Variants in OXNAD1 observed in about 807,000 individuals in gnomAD.
The protein encoded by OXNAD1 is oxidoreductase NAD-binding domain-containing protein 1.
Under a neutral mutation model 32.9 loss-of-function variants are expected in OXNAD1, and 34 were observed. That is an observed-to-expected ratio of 1.03 (90% CI 0.79 to 1.38). OXNAD1 has a LOEUF of 1.38. OXNAD1 is among the 40% of genes most tolerant of loss of function. OXNAD1 has a pLI of 0.00. For synonymous variants in OXNAD1, 134 were observed against 135.2 expected (o/e 0.99, Z 0.06); for missense variants, 407 against 379.4 (o/e 1.07, Z -0.60).
downstream of OXNAD1, among the ~76,000 whole-genome samples, chr3:16,339,086 C>T (rs1251709653): frequency 6.6e-6 from 1 of 152,226 alleles, no homozygotes; most frequent in Non-Finnish European, 1.5e-5. Context: ...ACACCATGTG[C>T]TGGGCTGTCA....
intron 9 of OXNAD1, chr3:16,347,674 G>T (rs903895257): frequency 1.3e-5 from 2 of 152,258 alleles, no homozygotes; most frequent in Non-Finnish European, 2.9e-5. Flanking sequence ...AGCTTTCTCT[G>T]TGAAAGGGGA....
In OXNAD1 at chr3:16,316,660, G is replaced by T; in HGVS notation, c.*30+13068G>T. ...CAGTGGATGTGCAAAAACCAACACT[G>T]TCAGGAACCTGGCCCTGGGAGGGCT... On this transcript the variant is annotated intron_variant, in intron 9 of 9. Transcript: ENST00000435829. This position sits in a 1 kb window ranked among gnomAD's most constrained non-coding sequence, Gnocchi z 4.5. The T allele has an allele frequency of 1.3e-6, 1 of 747,126 alleles. No homozygotes were observed. Among genetic ancestry groups the T allele is most frequent in the Non-Finnish European group, 2.3e-6 (1 of 438,788 alleles). The allele number at this position is 747,126 out of a possible 1,614,324, so 46.3% of individuals were successfully genotyped here.
In OXNAD1 at chr3:16,345,805, T is replaced by TGG. The variant is rs2071630137; in HGVS notation, c.*31-3370_*31-3369insGG. Among the ~76,000 whole-genome samples the TGG allele has an allele frequency of 1.2e-5, 1 of 85,842 alleles. No homozygotes were observed. Among genetic ancestry groups the TGG allele is most frequent in the Non-Finnish European group, 2.2e-5 (1 of 44,654 alleles). The allele number at this position is 85,842 out of a possible 152,430, so 56.3% of individuals were successfully genotyped here. A position where few individuals can be genotyped will look rare whatever the true frequency, so the allele number is the denominator to read the frequency against. ...ATAAATCTCTGTGTGTGTGTGTGTG[T>TGG]GTGTGTGTGTGTGCGCGCGCGCGTG... On this transcript the variant is annotated intron_variant, in intron 9 of 9. Coordinates refer to the OXNAD1 transcript ENST00000606098. The surrounding 1 kb of genome is among the most constrained non-coding windows in gnomAD (Gnocchi z 5.2).
At position 16,322,268 on chromosome 3, in the gene OXNAD1, C is replaced by CA. The variant is rs2069149732; in HGVS notation, c.*31-14843dup. Reference sequence around the variant, plus strand: ...CAGAGCCTGGAGAAAGACCTTCCTCCACACTCCAGCCCATCTGGCTTCAAG... The same window carrying CA: ...CAGAGCCTGGAGAAAGACCTTCCTCCAACACTCCAGCCCATCTGGCTTCAAG... On this transcript the variant is annotated intron_variant, in intron 9 of 9. Coordinates refer to the OXNAD1 transcript ENST00000435829. This position sits in a 1 kb window ranked among gnomAD's most constrained non-coding sequence, Gnocchi z 6.2. Among the ~76,000 whole-genome samples, 1 of 152,210 alleles carries CA rather than the reference C, an allele frequency of 6.6e-6. No homozygotes were observed. Among genetic ancestry groups the CA allele is most frequent in the Admixed American group, 6.5e-5 (1 of 15,274 alleles).
chr3:16,313,136 C>T (rs905921517), intron 9 of OXNAD1, among the ~76,000 whole-genome samples: 1 of 150,646 alleles, frequency 6.6e-6, no homozygotes, highest in African/African-American at 2.5e-5. Flanking sequence ...CCCTCGACCT[C>T]CTGGGCTCAA....
At chr3:16,270,726 A>T (rs116081246) in intron 2 of OXNAD1, among the ~76,000 whole-genome samples, 1 of 152,182 alleles carries the variant, frequency 6.6e-6, no homozygotes, top group Non-Finnish European at 1.5e-5. Context: ...CAAAAATTAC[A>T]TACTTATATA....
chr3:16,271,999 T>C lies in OXNAD1; in HGVS notation c.183+277T>C. The stretch of plus-strand genomic sequence containing the variant: ...ACTGAGGGAGCCATCCTCACAGGTA[T>C]GATGTTTAGGGTTATGTTTTAGCAC... On this transcript the variant is annotated intron_variant, in intron 4 of 8. Transcript: ENST00000285083. This position sits in a 1 kb window ranked among gnomAD's most constrained non-coding sequence, Gnocchi z 4.6. The C allele has an allele frequency of 1.9e-6, 1 of 516,576 alleles. No homozygotes were observed. The highest frequency in any genetic ancestry group is 3.4e-6 in the Non-Finnish European group (1 of 289,912). The allele number at this position is 516,576 out of a possible 1,614,324, so 32.0% of individuals were successfully genotyped here. A position where few individuals can be genotyped will look rare whatever the true frequency, so the allele number is the denominator to read the frequency against.
intron 9 of OXNAD1, among the ~76,000 whole-genome samples, chr3:16,323,893 C>G (rs1460110221): frequency 6.6e-6 from 1 of 152,202 alleles, no homozygotes; most frequent in Non-Finnish European, 1.5e-5. Flanking sequence ...ATGGCTGCAT[C>G]CAGGGTCTCA....
downstream of OXNAD1, chr3:16,339,676 C>T (rs1432284833): frequency 6.6e-6 from 1 of 152,206 alleles, no homozygotes; most frequent in Non-Finnish European, 1.5e-5. Context: ...AGAAAATTCT[C>T]CCATCACTCT....
At chr3:16,293,991 C>A (rs1423350644) in intron 5 of OXNAD1, among the ~76,000 whole-genome samples, 2 of 152,018 alleles carry the variant, frequency 1.3e-5, no homozygotes, top group African/African-American at 4.8e-5. Context: ...ACCTTGTATT[C>A]CTGGAATTTT....
Position 16,322,000 on chromosome 3 carries a change from T to A in OXNAD1, c.*31-15112T>A, listed in dbSNP as rs1400405907. On this transcript the variant is annotated intron_variant, in intron 9 of 9. Coordinates refer to the OXNAD1 transcript ENST00000435829. This position sits in a 1 kb window ranked among gnomAD's most constrained non-coding sequence, Gnocchi z 4.8. ...AACCTGTTAGGCAAAGGTGGCACCA[T>A]CTCCCTCTGTAAGGCTGCAGCGGGT... Among the ~76,000 whole-genome samples the A allele has an allele frequency of 6.6e-6, 1 of 152,186 alleles. No homozygotes were observed. Among genetic ancestry groups the A allele is most frequent in the African/African-American group, 2.4e-5 (1 of 41,442 alleles).
At chr3:16,342,350 A>G (rs1385027510), downstream of OXNAD1, among the ~76,000 whole-genome samples, 5 of 152,244 alleles carry the variant, frequency 3.3e-5, no homozygotes, top group Non-Finnish European at 5.9e-5. The surrounding 1 kb of genome is among the most constrained non-coding windows in gnomAD (Gnocchi z 4.0). Flanking sequence ...AGGTTCATAC[A>G]TGTAGCATAT....
At position 16,302,844 on chromosome 3, in the gene OXNAD1, G is replaced by A. The variant is rs2067288696; in HGVS notation, c.784+96G>A. 1.1e-6 allele frequency: 1 copy of A among 892,770 alleles called. No individual in the cohort carries two copies. Among genetic ancestry groups the A allele is most frequent in the African/African-American group, 1.7e-5 (1 of 58,638 alleles). 55.3% of individuals were successfully genotyped at this position (892,770 alleles called of 1,614,324 possible). ...AGATGCTTTATTGTTGGAAGCTGCT[G>A]GCTGGGAATGTCACTATCTGGGGAA... On this transcript the variant is annotated intron_variant, in intron 8 of 8. Coordinates refer to ENST00000285083, the MANE Select transcript of OXNAD1 (RefSeq NM_138381.5). The surrounding 1 kb of genome is among the most constrained non-coding windows in gnomAD (Gnocchi z 4.2).
At chr3:16,274,613 A>G (rs2065193216) in intron 4 of OXNAD1, among the ~76,000 whole-genome samples, 1 of 152,224 alleles carries the variant, frequency 6.6e-6, no homozygotes, top group South Asian at 2.1e-4. Context: ...AGAAAAAGGG[A>G]AAGAACTATA....
Position 16,305,880 on chromosome 3 carries a change from T to A in OXNAD1, c.*2318T>A, listed in dbSNP as rs2067518607. ...AGTGCTTGGCAGAGCACTGCATGAG[T>A]GTGTTGTCGTTATTAATTTGCTATT... On this transcript the variant is annotated 3_prime_UTR_variant, in exon 9 of 9. Coordinates refer to ENST00000285083, the MANE Select transcript of OXNAD1 (RefSeq NM_138381.5). This position sits in a 1 kb window ranked among gnomAD's most constrained non-coding sequence, Gnocchi z 4.5. The A allele has an allele frequency of 6.6e-6, 1 of 152,136 alleles. No individual in the cohort carries two copies. The highest frequency in any genetic ancestry group is 2.4e-5 in the African/African-American group (1 of 41,418). 9.4% of individuals were successfully genotyped at this position (152,136 alleles called of 1,614,324 possible).
intron 4 of OXNAD1, chr3:16,276,553 T>G (rs2065342595): frequency 6.0e-6 from 1 of 167,332 alleles, no homozygotes; most frequent in African/African-American, 2.4e-5. Flanking sequence ...CAAGTGTTTC[T>G]TTGTCATTTA....
chr3:16,332,560 C>T (rs894421284), intron 9 of OXNAD1, among the ~76,000 whole-genome samples: 4 of 152,092 alleles, frequency 2.6e-5, no homozygotes, highest in African/African-American at 9.7e-5. Flanking sequence ...TCTTACCACG[C>T]CACGTTAGGA....
chr3:16,338,650 G>A (rs944734102), downstream of OXNAD1, among the ~76,000 whole-genome samples: 1 of 152,168 alleles, frequency 6.6e-6, no homozygotes, highest in African/African-American at 2.4e-5. The surrounding 1 kb of genome is among the most constrained non-coding windows in gnomAD (Gnocchi z 5.3). Context: ...AGAAAACTAG[G>A]CTTTCTGGGA....
Position 16,294,994 on chromosome 3 carries a change from TACG to T in OXNAD1, c.430_432del (p.Thr144del). 3 of 1,611,434 alleles carry T rather than the reference TACG, an allele frequency of 1.9e-6. No homozygotes were observed. The highest frequency in any genetic ancestry group is 2.5e-6 in the Non-Finnish European group (3 of 1,178,782). On this transcript the variant is annotated inframe_deletion and splice_region_variant, in exon 6 of 9. Coordinates refer to ENST00000285083, the MANE Select transcript of OXNAD1 (RefSeq NM_138381.5). ...ACCCTCCTGCCCTCTGGGTTCACAA[TACG>T]GTAAGCACACTGCCTGTTTAAACGC...
Sources: allele counts gnomAD v4.1 joint callset (sites outside exome capture counted in the v4.1 genomes callset), GRCh38; gene constraint gnomAD v4.1.1; non-coding constraint Gnocchi (gnomAD v3.1); transcripts MANE v1.5; gene names NCBI Gene and HGNC (gene_info 2026-07-23, HGNC 2026-07-21).